The following BBOX1 variants were observed in gnomAD, a reference collection of about 807,000 sequenced individuals.
The protein encoded by BBOX1 is gamma-butyrobetaine dioxygenase.
A neutral mutation model predicts 41.6 loss-of-function variants in BBOX1; 35 were observed. The ratio of observed to expected loss-of-function variants is 0.84; its 90% CI spans 0.64 to 1.11. The LOEUF (loss-of-function observed/expected upper bound fraction) is 1.11, where lower values mean the gene tolerates loss of function less well. BBOX1 is among the 50% of genes most tolerant of loss of function. The pLI is 0.00. For missense variants in BBOX1, 458 were observed against 460.6 expected (o/e 0.99, Z 0.05); for synonymous variants, 163 against 154.7 (o/e 1.05, Z -0.40).
intron 7 of BBOX1, among the ~76,000 whole-genome samples, chr11:27,122,985 G>C (rs926275722): frequency 6.6e-6 from 1 of 151,954 alleles, no homozygotes; most frequent in African/African-American, 2.4e-5. Context: ...CTGTTATAAG[G>C]CATCAAATTT....
At chr11:27,118,593 T>C (rs1000495924) in intron 6 of BBOX1, among the ~76,000 whole-genome samples, 3 of 151,952 alleles carry the variant, frequency 2.0e-5, no homozygotes, top group African/African-American at 7.2e-5. Context: ...AGAAGGAAAA[T>C]ATTTTTGGTT....
At chr11:27,065,601 T>G (rs1274394313) in intron 4 of BBOX1, among the ~76,000 whole-genome samples, 2 of 152,144 alleles carry the variant, frequency 1.3e-5, no homozygotes, top group African/African-American at 4.8e-5. Flanking sequence ...CTGCCTAATT[T>G]TGGGCTTCAT....
intron 5 of BBOX1, among the ~76,000 whole-genome samples, chr11:27,112,142 G>A (rs1028119107): frequency 1.3e-5 from 2 of 151,902 alleles, no homozygotes; most frequent in African/African-American, 4.8e-5. Context: ...AAACTCTATA[G>A]GTCAAATTCC....
chr11:27,052,254 T>C (rs1190773739), intron 2 of BBOX1, among the ~76,000 whole-genome samples: 1 of 152,084 alleles, frequency 6.6e-6, no homozygotes, highest in Non-Finnish European at 1.5e-5. Context: ...TTTGGAACAT[T>C]GCTTACATGT....
chr11:27,121,071 C>T (rs529819021), intron 7 of BBOX1, among the ~76,000 whole-genome samples: 22 of 152,156 alleles, frequency 1.4e-4, no homozygotes, highest in African/African-American at 4.6e-4. Flanking sequence ...TTAGCAAGGA[C>T]GGAAATTGCA....
rs1398133044 is a variant in BBOX1 at position 27,055,459 on chromosome 11, C to G, written c.29C>G (p.Ala10Gly). 25 of 1,613,820 alleles carry G rather than the reference C, an allele frequency of 1.5e-5. No homozygotes were observed. In the Admixed American group the frequency reaches 2.2e-4, roughly 14 times the overall value. Residue 10 changes from alanine to glycine, a missense_variant, in exon 3 of 9, where the codon GCA becomes GGA. By Grantham distance (60) the Ala-to-Gly change is moderately conservative. Transcript: ENST00000263182. The stretch of plus-strand genomic sequence containing the variant: ...GCTTGTACCATCCAAAAGGCAGAAG[C>G]ACTTGACGGGGCTCATTTGATGCAG... MACTIQKAE[A>G]LDGAHLMQIL...
At chr11:27,069,435 T>G (rs1042869542) in intron 4 of BBOX1, among the ~76,000 whole-genome samples, 1 of 152,154 alleles carries the variant, frequency 6.6e-6, no homozygotes, top group Non-Finnish European at 1.5e-5. Flanking sequence ...ACCTGAGACT[T>G]CACTGAATTT....
At chr11:27,046,643 T>C (rs1851496105) in intron 2 of BBOX1, among the ~76,000 whole-genome samples, 1 of 152,130 alleles carries the variant, frequency 6.6e-6, no homozygotes. Flanking sequence ...AGAATTTTTG[T>C]TTTATAGGTG....
intron 4 of BBOX1, among the ~76,000 whole-genome samples, chr11:27,062,669 T>C (rs533651709): frequency 1.3e-5 from 2 of 152,150 alleles, no homozygotes; most frequent in East Asian, 3.9e-4. Context: ...GTGATTCTCC[T>C]GCCTCAGCCT....
intron 5 of BBOX1, among the ~76,000 whole-genome samples, chr11:27,096,304 C>T (rs1858436496): frequency 1.3e-5 from 2 of 151,960 alleles, no homozygotes; most frequent in African/African-American, 4.8e-5. Context: ...CTTTGTTTCT[C>T]CACTGGAAAA....
intron 5 of BBOX1, among the ~76,000 whole-genome samples, chr11:27,101,909 T>C (rs190827307): frequency 2.4e-4 from 36 of 152,244 alleles, no homozygotes; most frequent in African/African-American, 8.2e-4. Flanking sequence ...TTATCAACTA[T>C]TGTCACCATG....
intron 5 of BBOX1, among the ~76,000 whole-genome samples, chr11:27,114,267 T>C (rs1318106194): frequency 1.3e-5 from 2 of 151,708 alleles, no homozygotes; most frequent in African/African-American, 2.4e-5. Context: ...CCTAAAGAAA[T>C]AGAATGGCAT....
intron 5 of BBOX1, among the ~76,000 whole-genome samples, chr11:27,099,483 T>C (rs1053751854): frequency 5.3e-5 from 8 of 151,902 alleles, no homozygotes; most frequent in African/African-American, 7.2e-5. Flanking sequence ...TGTATAGCAC[T>C]GCATGGAAGC....
intron 2 of BBOX1, chr11:27,047,273 C>A (rs1449225059): frequency 6.6e-6 from 1 of 152,178 alleles, no homozygotes; most frequent in Non-Finnish European, 1.5e-5. Context: ...TCAGGTTCCC[C>A]CAGTGATTGG....
intron 5 of BBOX1, among the ~76,000 whole-genome samples, chr11:27,099,703 C>A (rs1858574415): frequency 6.6e-6 from 1 of 152,002 alleles, no homozygotes; most frequent in African/African-American, 2.4e-5. Context: ...TGTTTGTAAG[C>A]GAGAAGTCGA....
chr11:27,086,591 G>A (rs150362032), intron 4 of BBOX1, among the ~76,000 whole-genome samples: 74 of 152,226 alleles, frequency 4.9e-4, no homozygotes, highest in African/African-American at 1.7e-3. Context: ...CTCTTATTAA[G>A]ATGTACAAGG....
chr11:27,045,836 T>C (rs1222127698), intron 2 of BBOX1, among the ~76,000 whole-genome samples: 2 of 152,182 alleles, frequency 1.3e-5, no homozygotes, highest in African/African-American at 4.8e-5. Flanking sequence ...CATATTAATC[T>C]ACTACAATTT....
chr11:27,115,459 T>C lies in BBOX1; in HGVS notation c.541T>C (p.Trp181Arg), dbSNP rs772239649. Reference protein sequence around the residue: ...FLYLTFYGHTWQVQDKIDANN... With the variant: ...FLYLTFYGHTRQVQDKIDANN... ...GTTTCTTGCATTTTACAGACATACTTGGCAAGTGCAAGACAAAATCGATGC... is the reference window on the plus strand; with the variant it reads ...GTTTCTTGCATTTTACAGACATACTCGGCAAGTGCAAGACAAAATCGATGC... Residue 181 changes from tryptophan (W) to arginine (R), a missense_variant, in exon 6 of 9, where the codon TGG becomes CGG. Coordinates refer to ENST00000263182, the MANE Select transcript of BBOX1 (RefSeq NM_003986.3). 6.2e-7 allele frequency: 1 copy of C among 1,609,022 alleles called. No individual in the cohort carries two copies. Among genetic ancestry groups the C allele is most frequent in the South Asian group, 1.1e-5 (1 of 90,610 alleles).
In BBOX1 at chr11:27,081,157, T is replaced by C. The variant is rs529161227; in HGVS notation, c.335-12011T>C. On this transcript the variant is annotated intron_variant, in intron 4 of 8. Coordinates refer to ENST00000263182, the MANE Select transcript of BBOX1 (RefSeq NM_003986.3). ...GATGTAGCCTTTATTCTCATCTCTA[T>C]ATGTGCTTAGTAAGTTCTTTTTCAA... Among the ~76,000 whole-genome samples the C allele has an allele frequency of 2.0e-5, 3 of 152,282 alleles. No individual in the cohort carries two copies. The South Asian group carries it at 6.2e-4, about 32-fold the overall frequency.
Sources: allele counts gnomAD v4.1 joint callset (sites outside exome capture counted in the v4.1 genomes callset), GRCh38; gene constraint gnomAD v4.1.1; transcripts MANE v1.5; gene names NCBI Gene and HGNC (gene_info 2026-07-23, HGNC 2026-07-21).